DCLK2: variants seen among roughly 807,000 people sequenced by gnomAD.
DCLK2 encodes serine/threonine-protein kinase DCLK2.
Under a neutral mutation model 78.4 loss-of-function variants are expected in DCLK2, and 31 were observed. That is an observed-to-expected ratio of 0.40 (90% CI 0.30 to 0.53). The LOEUF is 0.53. Among genes scored for constraint, DCLK2 ranks in the 20% least tolerant of loss-of-function variants. The pLI is 0.61. For synonymous variants in DCLK2, 407 were observed against 374.9 expected (o/e 1.09, Z -0.99); for missense variants, 872 against 973.7 (o/e 0.90, Z 1.39).
intron 2 of DCLK2, among the ~76,000 whole-genome samples, chr4:150,125,556 C>T (rs1580548862): frequency 6.6e-6 from 1 of 152,106 alleles, no homozygotes; most frequent in Non-Finnish European, 1.5e-5. Context: ...ATTGTCTACC[C>T]TATGTTTATA....
chr4:150,142,650 A>G (rs930395128), intron 2 of DCLK2, among the ~76,000 whole-genome samples: 2 of 152,154 alleles, frequency 1.3e-5, no homozygotes, highest in African/African-American at 4.8e-5. Flanking sequence ...GGAGGAAATA[A>G]TATATTAAAT....
chr4:150,114,482 AT>A, intron 2 of DCLK2, among the ~76,000 whole-genome samples: 2 of 152,072 alleles, frequency 1.3e-5, no homozygotes, highest in African/African-American at 2.4e-5. Context: ...TCATCGTGGT[AT>A]TTTTTTATAG....
chr4:150,210,049 T>A (rs562238694), intron 5 of DCLK2, among the ~76,000 whole-genome samples: 2 of 152,264 alleles, frequency 1.3e-5, no homozygotes, highest in African/African-American at 4.8e-5. Context: ...CATTCCAGCC[T>A]GGGCTACAGG....
intron 5 of DCLK2, among the ~76,000 whole-genome samples, chr4:150,216,215 G>A (rs1336405973): frequency 6.6e-6 from 1 of 152,186 alleles, no homozygotes; most frequent in Non-Finnish European, 1.5e-5. Flanking sequence ...ATAACTCCCT[G>A]GCTAAAAACA....
intron 2 of DCLK2, among the ~76,000 whole-genome samples, chr4:150,148,301 G>A (rs868867556): frequency 6.6e-6 from 1 of 152,224 alleles, no homozygotes; most frequent in South Asian, 2.1e-4. Flanking sequence ...GGAGGTTGAG[G>A]CTGTAGTGAG....
intron 10 of DCLK2, 90 bp downstream of exon 10, chr4:150,232,918 C>A: frequency 6.9e-7 from 1 of 1,455,946 alleles, no homozygotes; most frequent in Non-Finnish European, 9.3e-7. Context: ...TAGTCTATAC[C>A]AATCCTACAT....
intron 2 of DCLK2, among the ~76,000 whole-genome samples, chr4:150,164,104 T>C (rs936003432): frequency 3.3e-5 from 5 of 152,212 alleles, no homozygotes; most frequent in African/African-American, 1.2e-4. Flanking sequence ...CATTTCCTTA[T>C]GGTTTTTAGG....
intron 1 of DCLK2, among the ~76,000 whole-genome samples, chr4:150,091,120 T>C (rs1190598146): frequency 6.6e-6 from 1 of 152,202 alleles, no homozygotes; most frequent in Non-Finnish European, 1.5e-5. Flanking sequence ...TTTTTCTTAC[T>C]CTGTATTTTT....
intron 2 of DCLK2, among the ~76,000 whole-genome samples, chr4:150,152,124 T>A (rs896591389): frequency 1.3e-5 from 2 of 152,164 alleles, no homozygotes; most frequent in African/African-American, 4.8e-5. Context: ...ATTGATTGTA[T>A]AAGAACCAGG....
chr4:150,148,381 C>CTTT (rs77831799), intron 2 of DCLK2, among the ~76,000 whole-genome samples: 1 of 136,882 alleles, frequency 7.3e-6, no homozygotes, highest in Non-Finnish European at 1.6e-5. Flanking sequence ...AAATTCATGT[C>CTTT]TTTTTTTTTT....
chr4:150,178,821 C>G (rs1021854860), intron 2 of DCLK2, among the ~76,000 whole-genome samples: 1 of 152,126 alleles, frequency 6.6e-6, no homozygotes, highest in African/African-American at 2.4e-5. Flanking sequence ...CCAGTTTACT[C>G]TTATTTTACA....
At chr4:150,106,563 C>T (rs534134441) in intron 2 of DCLK2, among the ~76,000 whole-genome samples, 191 of 152,194 alleles carry the variant, frequency 1.3e-3, no homozygotes, top group African/African-American at 4.5e-3. Context: ...TGCTTCCTAC[C>T]CAGATTGGTT....
intron 4 of DCLK2, among the ~76,000 whole-genome samples, chr4:150,201,984 G>T (rs573049161): frequency 1.3e-5 from 2 of 152,174 alleles, no homozygotes; most frequent in African/African-American, 4.8e-5. Flanking sequence ...GTACCTCCTT[G>T]CCTGCAGACT....
At chr4:150,178,543 AT>A (rs1737254067) in intron 2 of DCLK2, among the ~76,000 whole-genome samples, 1 of 146,224 alleles carries the variant, frequency 6.8e-6, no homozygotes, top group Non-Finnish European at 1.5e-5. Context: ...AAAAAAAAAA[AT>A]CTTATTGCTT....
chr4:150,253,512 T>C, intron 15 of DCLK2: 1 of 1,289,674 alleles, frequency 7.8e-7, no homozygotes. Flanking sequence ...AGAGTTTCCT[T>C]CTTTACCCCG....
chr4:150,232,463 G>A lies in DCLK2; in HGVS notation c.1419+7G>A. ...GGTGATGGAATTGGTCAAAGTAAGAGGATAGAGAGATTTTCTTGGTGCCTA... is the reference window on the plus strand; with the variant it reads ...GGTGATGGAATTGGTCAAAGTAAGAAGATAGAGAGATTTTCTTGGTGCCTA... On this transcript the variant is annotated splice_region_variant and intron_variant, in intron 9 of 15. Transcript: ENST00000296550. 6.2e-7 allele frequency: 1 copy of A among 1,612,812 alleles called. No homozygotes were observed. The highest frequency in any genetic ancestry group is 1.1e-5 in the South Asian group (1 of 90,788).
chr4:150,251,403 C>T (rs188728223), intron 15 of DCLK2, among the ~76,000 whole-genome samples: 1 of 2,624 alleles, frequency 3.8e-4, no homozygotes, highest in Non-Finnish European at 7.0e-4. Context: ...CTCACACCCC[C>T]CACACCCCCA....
intron 8 of DCLK2, 65 bp from the exon 9 acceptor site, chr4:150,232,272 C>T (rs200249640): frequency 5.0e-4 from 795 of 1,574,322 alleles, no homozygotes; most frequent in Non-Finnish European, 6.2e-4. Flanking sequence ...TTGCTGTCCT[C>T]CAGGCCTTCG....
rs539683647 is a variant in DCLK2, at chr4:150,143,715, T to G, written c.756+40903T>G. The stretch of plus-strand genomic sequence containing the variant: ...CCTTTTCTCTGCATCCATGCCAACA[T>G]CTGTTTTTTGACTTTCTAATAGTAG... On this transcript the variant is annotated intron_variant, in intron 2 of 15. Transcript: ENST00000296550. Among the ~76,000 whole-genome samples, 14 of 152,260 alleles carry G rather than the reference T, an allele frequency of 9.2e-5. No homozygotes were observed. In the East Asian group the frequency reaches 2.5e-3, roughly 27 times the overall value.
Sources: gnomAD v4.1 joint callset for allele counts (sites outside exome capture counted in the v4.1 genomes callset) on GRCh38, gnomAD v4.1.1 for gene constraint, MANE v1.5 for transcripts, NCBI Gene and HGNC (gene_info 2026-07-23, HGNC 2026-07-21) for gene names.